Variants in DLG1 observed in about 807,000 individuals in gnomAD.
DLG1 encodes discs large MAGUK scaffold protein 1, also known as disks large homolog 1.
In DLG1, 42 loss-of-function variants were observed where a neutral mutation model predicts 123.4. The observed-to-expected ratio is 0.34, with a 90% CI of 0.27 to 0.44. The LOEUF (loss-of-function observed/expected upper bound fraction) is 0.44, where lower values mean the gene tolerates loss of function less well. Among genes scored for constraint, DLG1 ranks in the 20% least tolerant of loss-of-function variants. DLG1 has a pLI of 1.00. For synonymous variants in DLG1, 317 were observed against 356.2 expected (o/e 0.89, Z 1.24); for missense variants, 942 against 1,082.6 (o/e 0.87, Z 1.82).
At chr3:197,124,301 G>A (rs1579746166) in intron 11 of DLG1, among the ~76,000 whole-genome samples, 1 of 152,166 alleles carries the variant, frequency 6.6e-6, no homozygotes, top group East Asian at 1.9e-4. Flanking sequence ...TTCTTACAGA[G>A]TCTTGCTTTG....
intron 4 of DLG1, among the ~76,000 whole-genome samples, chr3:197,234,508 C>A (rs1744920976): frequency 1.3e-5 from 2 of 152,232 alleles, no homozygotes; most frequent in Admixed American, 6.5e-5. Flanking sequence ...ATGATATATT[C>A]CTGTTGTGAA....
intron 4 of DLG1, among the ~76,000 whole-genome samples, chr3:197,207,423 C>G (rs1489102859): frequency 1.3e-5 from 2 of 152,100 alleles, no homozygotes; most frequent in Non-Finnish European, 2.9e-5. Flanking sequence ...TCAAAGATAT[C>G]ATCTCCTTCC....
intron 4 of DLG1, among the ~76,000 whole-genome samples, chr3:197,240,532 A>G (rs1304842939): frequency 6.6e-6 from 1 of 152,214 alleles, no homozygotes; most frequent in Admixed American, 6.5e-5. Context: ...GGACAAAGCA[A>G]GGAACCAATA....
intron 4 of DLG1, among the ~76,000 whole-genome samples, chr3:197,216,258 T>A (rs980385437): frequency 2.6e-5 from 4 of 152,248 alleles, no homozygotes; most frequent in African/African-American, 9.6e-5. Flanking sequence ...TCCTTTTTTT[T>A]ACTTAAGCTT....
At chr3:197,083,365 T>C (rs909714454) in intron 16 of DLG1, among the ~76,000 whole-genome samples, 18 of 152,234 alleles carry the variant, frequency 1.2e-4, no homozygotes, top group African/African-American at 4.3e-4. Context: ...CTAGTTATAA[T>C]AAACATTTCT....
At chr3:197,155,802 A>G (rs908490199) in intron 5 of DLG1, among the ~76,000 whole-genome samples, 14 of 152,074 alleles carry the variant, frequency 9.2e-5, no homozygotes, top group Middle Eastern at 3.4e-3. Flanking sequence ...ACAAAAATTA[A>G]CCAGGTGTGG....
chr3:197,080,826 G>C (rs893720354), intron 17 of DLG1: 6 of 372,614 alleles, frequency 1.6e-5, no homozygotes, highest in African/African-American at 1.1e-4. Flanking sequence ...ATAAAAATAA[G>C]CTTGACCCAA....
intron 14 of DLG1, among the ~76,000 whole-genome samples, chr3:197,096,541 C>T (rs1760758435): frequency 6.6e-6 from 1 of 152,126 alleles, no homozygotes; most frequent in Admixed American, 6.5e-5. Context: ...TTTTTCTCTC[C>T]TCTACATAAT....
intron 14 of DLG1, among the ~76,000 whole-genome samples, chr3:197,103,681 TACTTAAG>T (rs1225434572): frequency 1.3e-5 from 2 of 150,794 alleles, no homozygotes; most frequent in African/African-American, 2.4e-5. Context: ...GAACCTCCCA[TACTTAAG>T]AAAGACCAAG....
chr3:197,106,199 A>C (rs1366933299), intron 13 of DLG1, among the ~76,000 whole-genome samples: 2 of 152,244 alleles, frequency 1.3e-5, no homozygotes, highest in Non-Finnish European at 2.9e-5. Context: ...TGAGGCCAGG[A>C]GTCTCAGACC....
chr3:197,271,379 C>T (rs1393117097), intron 4 of DLG1, among the ~76,000 whole-genome samples: 1 of 152,200 alleles, frequency 6.6e-6, no homozygotes, highest in East Asian at 1.9e-4. Flanking sequence ...AAATCAGTCA[C>T]ACTTAGTGGC....
chr3:197,105,468 C>T (rs1027924306), intron 13 of DLG1, among the ~76,000 whole-genome samples: 32 of 152,166 alleles, frequency 2.1e-4, no homozygotes, highest in Non-Finnish European at 3.8e-4. Context: ...ACTAAAACTT[C>T]CATTCTTTTG....
intron 3 of DLG1, among the ~76,000 whole-genome samples, chr3:197,288,162 G>A (rs532349042): frequency 9.9e-5 from 15 of 151,822 alleles, no homozygotes; most frequent in South Asian, 2.1e-4. Flanking sequence ...TCAAGAGATC[G>A]AGACCATCCT....
intron 5 of DLG1, among the ~76,000 whole-genome samples, chr3:197,156,513 G>A (rs1796480071): frequency 6.6e-6 from 1 of 152,000 alleles, no homozygotes; most frequent in Admixed American, 6.6e-5. Context: ...ACAGAAATTG[G>A]CAGAATAAAA....
intron 4 of DLG1, among the ~76,000 whole-genome samples, chr3:197,248,922 G>T (rs969496786): frequency 6.6e-6 from 1 of 152,116 alleles, no homozygotes; most frequent in African/African-American, 2.4e-5. Flanking sequence ...TTCAAGACAA[G>T]AGTGAGGTAT....
intron 4 of DLG1, among the ~76,000 whole-genome samples, chr3:197,225,291 C>A (rs990617117): frequency 1.1e-4 from 16 of 152,132 alleles, no homozygotes; most frequent in Admixed American, 2.0e-4. Flanking sequence ...ATAAGAATAA[C>A]CATCTTTAAG....
At chr3:197,180,197 A>G (rs1809455709) in intron 5 of DLG1, among the ~76,000 whole-genome samples, 1 of 152,128 alleles carries the variant, frequency 6.6e-6, no homozygotes, top group Non-Finnish European at 1.5e-5. Flanking sequence ...TTTAAAGTTC[A>G]TATGATTACT....
intron 4 of DLG1, among the ~76,000 whole-genome samples, chr3:197,275,535 T>C (rs755813860): frequency 5.9e-5 from 9 of 152,140 alleles, no homozygotes; most frequent in Non-Finnish European, 1.3e-4. Flanking sequence ...AAATGTAGCA[T>C]ATATAGACAA....
rs536953492 is a variant in DLG1 at position 197,246,881 on chromosome 3, G to C, written c.318+35798C>G. ...GCTGGAAATATTTGGTCTGCTGCAGGAATGTTTTGGATGGATGTTCACATT... is the reference window on the plus strand; with the variant it reads ...GCTGGAAATATTTGGTCTGCTGCAGCAATGTTTTGGATGGATGTTCACATT... On this transcript the variant is annotated intron_variant, in intron 4 of 24. Coordinates refer to ENST00000667157, the MANE Select transcript of DLG1 (RefSeq NM_001366207.1). Among the ~76,000 whole-genome samples the C allele has an allele frequency of 3.5e-4, 54 of 152,290 alleles. No homozygotes were observed. The South Asian group carries it at 7.9e-3, about 22-fold the overall frequency.
Sources: gnomAD v4.1 joint callset for allele counts (sites outside exome capture counted in the v4.1 genomes callset) on GRCh38, gnomAD v4.1.1 for gene constraint, MANE v1.5 for transcripts, NCBI Gene and HGNC (gene_info 2026-07-23, HGNC 2026-07-21) for gene names.